RAD51B: variants seen among roughly 807,000 people sequenced by gnomAD.
The protein encoded by RAD51B is DNA repair protein RAD51 homolog 2.
A neutral mutation model predicts 42.2 loss-of-function variants in RAD51B; 38 were observed. The observed-to-expected ratio is 0.90, with a 90% confidence interval of 0.70 to 1.18. The LOEUF is 1.18. RAD51B is among the 50% of genes most tolerant of loss of function. The pLI is 0.00. For synonymous variants in RAD51B, 154 were observed against 145.2 expected (o/e 1.06, Z -0.43); for missense variants, 373 against 400.7 (o/e 0.93, Z 0.59).
At chr14:67,865,621 C>G (rs1443183232) in intron 5 of RAD51B, among the ~76,000 whole-genome samples, 1 of 149,050 alleles carries the variant, frequency 6.7e-6, no homozygotes, top group Non-Finnish European at 1.5e-5. Flanking sequence ...TCACTGCAAC[C>G]TCCGCCTCCC....
At chr14:67,872,424 C>G (rs1211352414) in intron 5 of RAD51B, among the ~76,000 whole-genome samples, 2 of 137,750 alleles carry the variant, frequency 1.5e-5, no homozygotes, top group Admixed American at 1.5e-4. Context: ...AACCACTGCT[C>G]AAGGAAATAA....
chr14:68,607,387 CAAT>C (rs995471623), intron 10 of RAD51B, among the ~76,000 whole-genome samples: 17 of 152,196 alleles, frequency 1.1e-4, no homozygotes, highest in African/African-American at 4.1e-4. Flanking sequence ...CAAACAACAA[CAAT>C]GCCAGCACCT....
At chr14:67,902,995 T>A (rs1950767) in intron 7 of RAD51B, among the ~76,000 whole-genome samples, 3 of 151,624 alleles carry the variant, frequency 2.0e-5, no homozygotes, top group African/African-American at 4.9e-5. Context: ...GATTACAGGC[T>A]CCCACCACCA....
intron 7 of RAD51B, among the ~76,000 whole-genome samples, chr14:67,963,306 T>C (rs1318479734): frequency 6.6e-6 from 1 of 152,168 alleles, no homozygotes; most frequent in Non-Finnish European, 1.5e-5. Context: ...ATTCATTATC[T>C]ATGTGTATAT....
chr14:68,460,043 AT>A (rs1177847081), intron 9 of RAD51B, among the ~76,000 whole-genome samples: 3 of 152,168 alleles, frequency 2.0e-5, no homozygotes, highest in African/African-American at 4.8e-5. Context: ...CCTCAGCCTC[AT>A]GGCCGCCTAT....
chr14:68,335,421 G>C lies in RAD51B; in HGVS notation c.853+43441G>C, dbSNP rs186643919. The stretch of plus-strand genomic sequence containing the variant: ...AGATAGCCACTCTTTCAGTTGATTA[G>C]TACAATCAGCATACTTTAGTCTCTT... On this transcript the variant is annotated intron_variant, in intron 8 of 10. Transcript: ENST00000471583. Among the ~76,000 whole-genome samples, 917 of 151,844 alleles carry C rather than the reference G, an allele frequency of 6.0e-3. 3 individuals are homozygous for C. Among genetic ancestry groups the C allele is most frequent in the Middle Eastern group, 0.027 (8 of 292 alleles).
chr14:68,505,184 G>C lies in RAD51B; in HGVS notation c.1036+36934G>C, dbSNP rs1041906871. Among the ~76,000 whole-genome samples the C allele has an allele frequency of 3.9e-5, 6 of 152,366 alleles. No homozygotes were observed. The East Asian group carries it at 1.2e-3, about 29-fold the overall frequency. On this transcript the variant is annotated intron_variant, in intron 10 of 10. Transcript: ENST00000487270. ...CCTGAAGTATAGATGGAGGGAGCACGAGGATGGAGCAGGAGCAGATGGGGA... is the reference window on the plus strand; with the variant it reads ...CCTGAAGTATAGATGGAGGGAGCACCAGGATGGAGCAGGAGCAGATGGGGA...
At chr14:68,289,857 A>G (rs2081482199) in intron 7 of RAD51B, among the ~76,000 whole-genome samples, 1 of 152,234 alleles carries the variant, frequency 6.6e-6, no homozygotes, top group South Asian at 2.1e-4. Context: ...TATGGAAAGT[A>G]GCAATACGAA....
chr14:68,364,241 C>T (rs1457054191), intron 8 of RAD51B, among the ~76,000 whole-genome samples: 1 of 152,158 alleles, frequency 6.6e-6, no homozygotes, highest in Non-Finnish European at 1.5e-5. Context: ...CACTCCTCAT[C>T]GCGGGCCTCA....
At position 68,019,030 on chromosome 14, in the gene RAD51B, A is replaced by T. The variant is rs868489451; in HGVS notation, c.756+131826A>T. Among the ~76,000 whole-genome samples, 13 of 152,150 alleles carry T rather than the reference A, an allele frequency of 8.5e-5. No individual in the cohort carries two copies. In the East Asian group the frequency reaches 2.5e-3, roughly 29 times the overall value. ...CTTGCATATAGTAAGCATTCAATAC[A>T]TGGTTAGTTATTAGGCATTCAGTAA... On this transcript the variant is annotated intron_variant, in intron 7 of 10. Coordinates refer to ENST00000471583, the MANE Select transcript of RAD51B (RefSeq NM_133510.4).
chr14:68,540,395 C>T (rs1207528328), intron 10 of RAD51B: 1 of 1,054,432 alleles, frequency 9.5e-7, no homozygotes, highest in African/African-American at 1.7e-5. Context: ...AAAGTCATTA[C>T]ATATGACTTA....
chr14:67,964,566 T>G (rs1035163247), intron 7 of RAD51B, among the ~76,000 whole-genome samples: 1 of 152,240 alleles, frequency 6.6e-6, no homozygotes, highest in Non-Finnish European at 1.5e-5. Flanking sequence ...AATGGTGCTT[T>G]CTTTTTCTGT....
chr14:68,620,046 C>T (rs1216725231), intron 10 of RAD51B, among the ~76,000 whole-genome samples: 1 of 152,206 alleles, frequency 6.6e-6, no homozygotes, highest in Non-Finnish European at 1.5e-5. Flanking sequence ...GCCTCTCTCT[C>T]TCTCCCTTTC....
chr14:68,103,129 A>G (rs2077319616), intron 7 of RAD51B, among the ~76,000 whole-genome samples: 2 of 152,216 alleles, frequency 1.3e-5, no homozygotes, highest in South Asian at 2.1e-4. Flanking sequence ...GTGAACTACA[A>G]GAAAAGATTT....
intron 10 of RAD51B, 42 bp downstream of exon 10, chr14:68,468,292 A>C (rs1181863591): frequency 1.9e-6 from 3 of 1,555,328 alleles, no homozygotes; most frequent in Non-Finnish European, 1.8e-6. Flanking sequence ...GCTTATGCTC[A>C]GTGCTGCCCA....
chr14:68,442,104 A>C (rs902045504), intron 9 of RAD51B, among the ~76,000 whole-genome samples: 2 of 152,170 alleles, frequency 1.3e-5, no homozygotes, highest in Admixed American at 1.3e-4. Flanking sequence ...GCAATTCTTA[A>C]AGATACAAAG....
intron 7 of RAD51B, among the ~76,000 whole-genome samples, chr14:68,180,989 A>AT (rs1286678666): frequency 6.6e-6 from 1 of 152,216 alleles, no homozygotes; most frequent in Admixed American, 6.5e-5. Context: ...CAGCAGAGGC[A>AT]TTGGTGTTTT....
chr14:68,484,529 T>C (rs1029176328), intron 10 of RAD51B, among the ~76,000 whole-genome samples: 1 of 152,016 alleles, frequency 6.6e-6, no homozygotes, highest in South Asian at 2.1e-4. Context: ...GGCTAATTTT[T>C]TGTATTTTTA....
chr14:68,056,383 AG>A (rs950959504), intron 7 of RAD51B, among the ~76,000 whole-genome samples: 1 of 151,922 alleles, frequency 6.6e-6, no homozygotes, highest in African/African-American at 2.4e-5. Flanking sequence ...TCCTGAGCTC[AG>A]GTGATCCACC....
Sources: gnomAD v4.1 joint callset for allele counts (sites outside exome capture counted in the v4.1 genomes callset) on GRCh38, gnomAD v4.1.1 for gene constraint, MANE v1.5 for transcripts, NCBI Gene and HGNC (gene_info 2026-07-23, HGNC 2026-07-21) for gene names.